SCCPDH: variants seen among roughly 807,000 people sequenced by gnomAD.
SCCPDH encodes the protein saccharopine dehydrogenase (putative).
In SCCPDH, 34 loss-of-function variants were observed where a neutral mutation model predicts 51.5. That is an observed-to-expected ratio of 0.66 (90% CI 0.50 to 0.88). The LOEUF is 0.88. SCCPDH is among the 40% of genes least tolerant of loss of function. The probability of loss-of-function intolerance (pLI) is 0.00; values close to 1 mark genes in which losing one functional copy is unlikely to be tolerated. For synonymous variants in SCCPDH, 187 were observed against 191.3 expected (o/e 0.98, Z 0.19); for missense variants, 464 against 527.1 (o/e 0.88, Z 1.17).
intron 3 of SCCPDH, among the ~76,000 whole-genome samples, chr1:246,738,100 G>T (rs1464957310): frequency 1.3e-5 from 2 of 152,112 alleles, no homozygotes; most frequent in Non-Finnish European, 2.9e-5. Context: ...GAAGGCTGAG[G>T]CATGAGAATC....
intron 2 of SCCPDH, among the ~76,000 whole-genome samples, chr1:246,731,209 A>G (rs1169209289): frequency 6.6e-6 from 1 of 152,186 alleles, no homozygotes; most frequent in Admixed American, 6.5e-5. Flanking sequence ...ACAGGGTACT[A>G]AGTGGAGAAA....
intron 2 of SCCPDH, among the ~76,000 whole-genome samples, chr1:246,729,208 C>T (rs569125481): frequency 7.2e-5 from 11 of 152,306 alleles, no homozygotes; most frequent in Admixed American, 2.0e-4. Context: ...TTCCATGTCC[C>T]GCTGGGCACG....
At chr1:246,736,277 C>A (rs866384998) in intron 3 of SCCPDH, among the ~76,000 whole-genome samples, 1 of 152,140 alleles carries the variant, frequency 6.6e-6, no homozygotes, top group South Asian at 2.1e-4. Flanking sequence ...CCTACAACAT[C>A]ATTTCTTATA....
chr1:246,744,136 T>G lies in SCCPDH; in HGVS notation c.564+11T>G. ...CATTCAGGACCTGAGGTTGGTTTTT[T>G]GGTTTGTCTTGTGTTGTTTCAAGTT... On this transcript the variant is annotated intron_variant, in intron 5 of 11. Coordinates refer to ENST00000366510, the MANE Select transcript of SCCPDH (RefSeq NM_016002.3). 6.4e-7 allele frequency: 1 copy of G among 1,558,186 alleles called. No individual in the cohort carries two copies.
rs185639446 is a variant in SCCPDH, at chr1:246,766,698, A to G, written c.1185-497A>G. On this transcript the variant is annotated intron_variant, in intron 11 of 11. Coordinates refer to ENST00000366510, the MANE Select transcript of SCCPDH (RefSeq NM_016002.3). ...AATAAAAGTAAAATTTGTATATAGT[A>G]AAATCTAATTAAATTTTTTCAAATA... is the stretch of plus-strand genomic sequence containing the variant. 3.3e-5 allele frequency among the ~76,000 whole-genome samples: 5 copies of G among 152,366 alleles called. No homozygotes were observed. The East Asian group carries it at 9.6e-4, about 29-fold the overall frequency.
chr1:246,740,274 G>A lies in SCCPDH; in HGVS notation c.487G>A (p.Val163Ile). The A allele has an allele frequency of 6.2e-7, 1 of 1,603,378 alleles. No homozygotes were observed. Among genetic ancestry groups the A allele is most frequent in the Non-Finnish European group, 8.5e-7 (1 of 1,172,754 alleles). The change falls in exon 4 of 12, where the codon GTA becomes ATA. Residue 163 changes from valine to isoleucine, a missense_variant. Transcript: ENST00000366510. ...GFDSIPADLG[V>I]IYTRNKMNGT... ...TGACTCCATTCCAGCAGATCTGGGA[G>A]TAATATATACCAGAAATAAAATGAA...
At chr1:246,766,949 G>A (rs1264372890) in intron 11 of SCCPDH, among the ~76,000 whole-genome samples, 1 of 152,268 alleles carries the variant, frequency 6.6e-6, no homozygotes, top group African/African-American at 2.4e-5. Context: ...CCAAACACAT[G>A]CATAGAATGG....
At chr1:246,744,787 GT>G (rs1220312777) in intron 5 of SCCPDH, among the ~76,000 whole-genome samples, 1,656 of 143,748 alleles carry the variant, frequency 0.012, 26 homozygotes, top group African/African-American at 0.04. Flanking sequence ...GCTAATTTTT[GT>G]TTTTTTTTTT....
At chr1:246,741,898 C>T (rs889105186) in intron 4 of SCCPDH, among the ~76,000 whole-genome samples, 2 of 152,040 alleles carry the variant, frequency 1.3e-5, no homozygotes, top group Admixed American at 6.5e-5. Context: ...GAAACCTTGT[C>T]TCTACTAAAA....
chr1:246,751,292 C>T (rs1487529737), intron 5 of SCCPDH, among the ~76,000 whole-genome samples: 3 of 152,060 alleles, frequency 2.0e-5, no homozygotes, highest in Non-Finnish European at 4.4e-5. Context: ...CTCTTTTTAA[C>T]CCTTTATAAT....
chr1:246,727,869 C>A (rs77476781), intron 2 of SCCPDH, among the ~76,000 whole-genome samples: 1 of 152,164 alleles, frequency 6.6e-6, no homozygotes, highest in East Asian at 1.9e-4. Flanking sequence ...TGGGATCTTA[C>A]GGGCCATGGC....
intron 11 of SCCPDH, 120 bp from the exon 12 acceptor site, chr1:246,767,075 C>T (rs10924821): frequency 0.039 from 22,430 of 575,410 alleles, 564 homozygotes; most frequent in South Asian, 0.053. Context: ...CAAAGGTAGC[C>T]GTGATTACCA....
chr1:246,750,730 A>G lies in SCCPDH; in HGVS notation c.564+6605A>G, dbSNP rs147153496. On this transcript the variant is annotated intron_variant, in intron 5 of 11. Coordinates refer to ENST00000366510, the MANE Select transcript of SCCPDH (RefSeq NM_016002.3). ...TACTAGCAGTTGTACTTGAAAAGGG[A>G]ATAGTTTGTACCCAACGAGTAAGGT... 4.8e-3 allele frequency among the ~76,000 whole-genome samples: 737 copies of G among 152,278 alleles called. 9 individuals are homozygous for G. The East Asian group carries it at 0.054, about 11-fold the overall frequency.
intron 5 of SCCPDH, chr1:246,755,849 T>G (rs1202048954): frequency 2.6e-5 from 4 of 152,146 alleles, no homozygotes; most frequent in African/African-American, 9.7e-5. Context: ...CATTTAGAAT[T>G]CCTCCTCCCA....
chr1:246,744,484 A>AT (rs956939245), intron 5 of SCCPDH, among the ~76,000 whole-genome samples: 5 of 151,160 alleles, frequency 3.3e-5, no homozygotes, highest in African/African-American at 4.9e-5. Context: ...ACGCCCGGCT[A>AT]TTTTTTTTGT....
At chr1:246,765,992 T>G (rs1405657541) in intron 10 of SCCPDH, 66 bp from the exon 11 acceptor site, 12 of 1,054,286 alleles carry the variant, frequency 1.1e-5, no homozygotes, top group Non-Finnish European at 1.7e-5. Flanking sequence ...ACCATTTGAT[T>G]TTTGATGTTG....
chr1:246,756,353 C>T (rs192352440), intron 5 of SCCPDH, among the ~76,000 whole-genome samples: 115 of 152,284 alleles, frequency 7.6e-4, no homozygotes, highest in African/African-American at 2.2e-3. Flanking sequence ...AAAGGCAGGA[C>T]GGAAGGAGGG....
chr1:246,746,129 A>AT, intron 5 of SCCPDH, among the ~76,000 whole-genome samples: 1 of 151,018 alleles, frequency 6.6e-6, no homozygotes, highest in Middle Eastern at 3.4e-3. Context: ...AAAAAAAAAA[A>AT]AAAGAAGGAA....
chr1:246,767,012 A>G (rs1248635697), intron 11 of SCCPDH, among the ~76,000 whole-genome samples, 183 bp from the exon 12 acceptor site: 1 of 152,152 alleles, frequency 6.6e-6, no homozygotes, highest in Non-Finnish European at 1.5e-5. Flanking sequence ...CTGTGGTGCA[A>G]GTTTCTCCTG....
Sources: allele counts gnomAD v4.1 joint callset (sites outside exome capture counted in the v4.1 genomes callset), GRCh38; gene constraint gnomAD v4.1.1; transcripts MANE v1.5; gene names NCBI Gene and HGNC (gene_info 2026-07-23, HGNC 2026-07-21).